The following SSBP2 variants were observed in gnomAD, a reference collection of about 807,000 sequenced individuals.
The protein encoded by SSBP2 is single stranded DNA binding protein 2, also known as single-stranded DNA-binding protein 2.
SSBP2 carries 17 observed loss-of-function variants against 61.8 expected under a neutral mutation model. That is an observed-to-expected ratio of 0.28 (90% confidence interval 0.19 to 0.41). The LOEUF (loss-of-function observed/expected upper bound fraction) is 0.41, where lower values mean the gene tolerates loss of function less well. Ranked by LOEUF, SSBP2 falls within the 10% of genes least tolerant of loss-of-function variation. SSBP2 has a pLI of 1.00. For synonymous variants in SSBP2, 139 were observed against 141.3 expected (o/e 0.98, Z 0.12); for missense variants, 310 against 458.7 (o/e 0.68, Z 2.96).
intron 10 of SSBP2, among the ~76,000 whole-genome samples, chr5:81,454,120 A>G (rs1255617473): frequency 6.6e-6 from 1 of 152,208 alleles, no homozygotes; most frequent in Non-Finnish European, 1.5e-5. Flanking sequence ...GGAATTAATT[A>G]TCTAGGAGAA....
chr5:81,547,570 A>C (rs1580988397), intron 4 of SSBP2, among the ~76,000 whole-genome samples: 1 of 152,248 alleles, frequency 6.6e-6, no homozygotes, highest in East Asian at 1.9e-4. Flanking sequence ...GGGCTTGAGC[A>C]ATCTTCCTGC....
intron 14 of SSBP2, among the ~76,000 whole-genome samples, chr5:81,438,925 G>C (rs1762839842): frequency 6.6e-6 from 1 of 152,146 alleles, no homozygotes; most frequent in African/African-American, 2.4e-5. Context: ...CTGACATGTG[G>C]CAGTGCAACT....
intron 1 of SSBP2, among the ~76,000 whole-genome samples, chr5:81,661,509 C>T (rs1481464596): frequency 1.6e-5 from 2 of 123,526 alleles, no homozygotes; most frequent in South Asian, 4.8e-4. Flanking sequence ...CTCAATAACA[C>T]TTCTCTCTTT....
At chr5:81,588,606 T>C (rs1313941966) in intron 4 of SSBP2, among the ~76,000 whole-genome samples, 1 of 152,106 alleles carries the variant, frequency 6.6e-6, no homozygotes, top group Non-Finnish European at 1.5e-5. Flanking sequence ...TATCTCTATG[T>C]ATATTTGATA....
chr5:81,666,055 C>A (rs963911605), intron 1 of SSBP2, among the ~76,000 whole-genome samples: 1 of 152,124 alleles, frequency 6.6e-6, no homozygotes, highest in Non-Finnish European at 1.5e-5. Context: ...TTGCAACCTG[C>A]TGTTAAGGAG....
intron 6 of SSBP2, among the ~76,000 whole-genome samples, chr5:81,488,012 T>TTA (rs1766516647): frequency 1.8e-4 from 1 of 5,568 alleles, no homozygotes; most frequent in Non-Finnish European, 3.7e-4. Context: ...GGCCAAATAA[T>TTA]ATATATATAT....
At chr5:81,735,626 G>A (rs947252251) in intron 1 of SSBP2, among the ~76,000 whole-genome samples, 1 of 151,942 alleles carries the variant, frequency 6.6e-6, no homozygotes, top group Non-Finnish European at 1.5e-5. Flanking sequence ...TTTGATTTTC[G>A]AATATTTTTA....
rs899880831 is a variant in SSBP2, at chr5:81,418,600, G to C, written c.*1904C>G. 6.6e-6 allele frequency: 1 copy of C among 152,234 alleles called. No individual in the cohort carries two copies. The highest frequency in any genetic ancestry group is 2.1e-4 in the South Asian group (1 of 4,812). 9.4% of individuals were successfully genotyped at this position (152,234 alleles called of 1,614,324 possible). ...TGTCCTTGTCTGAACATCATAGAGT[G>C]TACTTACACAAACCTAGATGGTATA... On this transcript the variant is annotated 3_prime_UTR_variant, in exon 17 of 17. Transcript: ENST00000320672.
At chr5:81,646,688 A>AT (rs68107334) in intron 2 of SSBP2, among the ~76,000 whole-genome samples, 2,021 of 85,946 alleles carry the variant, frequency 0.024, 48 homozygotes, top group African/African-American at 0.052. Context: ...TGATGATGTC[A>AT]TTTTTTTTTT....
chr5:81,522,112 G>C (rs1046644064), intron 4 of SSBP2, among the ~76,000 whole-genome samples: 1 of 152,000 alleles, frequency 6.6e-6, no homozygotes, highest in African/African-American at 2.4e-5. Context: ...TATATTTACA[G>C]TAAGAAATAT....
chr5:81,730,883 G>A (rs1270398071), intron 1 of SSBP2, among the ~76,000 whole-genome samples: 1 of 152,058 alleles, frequency 6.6e-6, no homozygotes, highest in African/African-American at 2.4e-5. Flanking sequence ...CACTAAAAAC[G>A]TACTTAATAA....
At chr5:81,505,080 C>G (rs1768077660) in intron 5 of SSBP2, among the ~76,000 whole-genome samples, 1 of 152,206 alleles carries the variant, frequency 6.6e-6, no homozygotes. Flanking sequence ...CATAGGCTAC[C>G]TTTTATCACA....
intron 4 of SSBP2, among the ~76,000 whole-genome samples, chr5:81,548,371 A>G (rs1380875375): frequency 3.3e-5 from 5 of 152,144 alleles, no homozygotes; most frequent in Admixed American, 2.6e-4. Context: ...AGAGGGGTAT[A>G]TGGGAAACCT....
At chr5:81,647,762 C>A (rs889794752) in intron 2 of SSBP2, among the ~76,000 whole-genome samples, 3 of 152,180 alleles carry the variant, frequency 2.0e-5, no homozygotes, top group Non-Finnish European at 4.4e-5. Context: ...AAATACTTGT[C>A]AATATGTGTG....
At chr5:81,629,090 G>A (rs1581205216) in intron 3 of SSBP2, among the ~76,000 whole-genome samples, 2 of 152,046 alleles carry the variant, frequency 1.3e-5, no homozygotes, top group African/African-American at 2.4e-5. Flanking sequence ...AGGTTCAAGC[G>A]ATTCACCCAC....
chr5:81,633,108 C>CTTTTT (rs143423636), intron 3 of SSBP2, among the ~76,000 whole-genome samples: 1 of 64,854 alleles, frequency 1.5e-5, no homozygotes, highest in African/African-American at 7.2e-5. Flanking sequence ...GAGCCTCTGT[C>CTTTTT]TTTTTTTTTT....
intron 1 of SSBP2, among the ~76,000 whole-genome samples, chr5:81,720,010 C>A (rs1217245777): frequency 6.6e-6 from 1 of 152,106 alleles, no homozygotes; most frequent in Non-Finnish European, 1.5e-5. Flanking sequence ...ACAGGAGAGT[C>A]ATTTGCTATC....
At chr5:81,671,033 T>C (rs1311126764) in intron 1 of SSBP2, among the ~76,000 whole-genome samples, 1 of 152,140 alleles carries the variant, frequency 6.6e-6, no homozygotes, top group Non-Finnish European at 1.5e-5. Flanking sequence ...CGACCTGTAC[T>C]CCTTAGGACA....
chr5:81,715,115 G>A (rs942705717), intron 1 of SSBP2, among the ~76,000 whole-genome samples: 6 of 152,010 alleles, frequency 3.9e-5, no homozygotes, highest in African/African-American at 1.2e-4. Flanking sequence ...AGAAAATGGG[G>A]ATTCTAAAAC....
Sources: allele counts gnomAD v4.1 joint callset (sites outside exome capture counted in the v4.1 genomes callset), GRCh38; gene constraint gnomAD v4.1.1; transcripts MANE v1.5; gene names NCBI Gene and HGNC (gene_info 2026-07-23, HGNC 2026-07-21).